The following LCN6 variants were observed in gnomAD, a reference collection of about 807,000 sequenced individuals.
The protein encoded by LCN6 is lipocalin 6.
In LCN6, 20 loss-of-function variants were observed where a neutral mutation model predicts 21.4. The ratio of observed to expected loss-of-function variants is 0.93; its 90% CI spans 0.66 to 1.36. The LOEUF (loss-of-function observed/expected upper bound fraction) is 1.36, where lower values mean the gene tolerates loss of function less well. Among genes scored for constraint, LCN6 ranks in the 40% most tolerant of loss-of-function variants. The pLI, the probability that LCN6 is intolerant of heterozygous loss-of-function variation, is 0.00. For missense variants in LCN6, 217 were observed against 206.6 expected, an observed-to-expected ratio of 1.05 and a Z score of -0.31; for synonymous variants, 96 against 89.0, an observed-to-expected ratio of 1.08 and a Z score of -0.44.
rs1464985821 is a variant in LCN6, at chr9:136,747,644, C to A, written c.91-81G>T. The A allele has an allele frequency of 1.8e-5, 19 of 1,059,630 alleles. No homozygotes were observed. The Admixed American group carries it at 4.5e-4, about 25-fold the overall frequency. 65.6% of individuals were successfully genotyped at this position (1,059,630 alleles called of 1,614,324 possible). On this transcript the variant is annotated intron_variant, in intron 1 of 6. Coordinates refer to ENST00000341206, the MANE Select transcript of LCN6 (RefSeq NM_198946.3). ...CCTCCAACCCTCCAGCCTCAGCCTC[C>A]AGCCTCCAAACCTCCAGCCTCAGCC...
chr9:136,748,250 TG>T, intron 1 of LCN6, 143 bp downstream of exon 1: 1 of 690,570 alleles, frequency 1.4e-6, no homozygotes, highest in Non-Finnish European at 2.5e-6. Context: ...CTCCTGCCTG[TG>T]GGACTCCCCA....
rs865935648 is a variant in LCN6, at chr9:136,744,467, C to A, written c.*23-103G>T. 14 of 525,238 alleles carry A rather than the reference C, an allele frequency of 2.7e-5. No homozygotes were observed. The South Asian group carries it at 3.7e-4, about 14-fold the overall frequency. 32.5% of individuals were successfully genotyped at this position (525,238 alleles called of 1,614,324 possible). A position where few individuals can be genotyped will look rare whatever the true frequency, so the allele number is the denominator to read the frequency against. On this transcript the variant is annotated intron_variant, in intron 5 of 6. Transcript: ENST00000341206. This position sits in a 1 kb window ranked among gnomAD's most constrained non-coding sequence, Gnocchi z 4.2. ...CTGCCGTGGGGACAAGACCCCCAGG[C>A]CTGACTTTGGGCAGGGGCAGGTGAA... is the stretch of plus-strand genomic sequence containing the variant.
chr9:136,747,026 A>T (rs1013420633), intron 2 of LCN6: 2 of 167,220 alleles, frequency 1.2e-5, no homozygotes, highest in African/African-American at 4.8e-5. Flanking sequence ...GATTTATGTT[A>T]TGAAAGAACC....
At position 136,744,261 on chromosome 9, in the gene LCN6, A is replaced by G. The variant is rs1847002069; in HGVS notation, c.*48+78T>C. The G allele has an allele frequency of 3.4e-5, 6 of 178,706 alleles. No individual in the cohort carries two copies. The highest frequency in any genetic ancestry group is 1.4e-4 in the African/African-American group (6 of 42,564). 11.1% of individuals were successfully genotyped at this position (178,706 alleles called of 1,614,324 possible). A position where few individuals can be genotyped will look rare whatever the true frequency, so the allele number is the denominator to read the frequency against. ...GTGGGCTTGGGCAGAGGGTCCTCCC[A>G]CCCACTGTGCGTAGGGTGGCCTCCC... On this transcript the variant is annotated intron_variant, in intron 6 of 6. Transcript: ENST00000341206. This position sits in a 1 kb window ranked among gnomAD's most constrained non-coding sequence, Gnocchi z 4.2.
Position 136,748,502 on chromosome 9 carries a change from C to A in LCN6, c.-19G>T, listed in dbSNP as rs768955370. On this transcript the variant is annotated 5_prime_UTR_variant, in exon 1 of 7. Transcript: ENST00000341206. ...CGCCCATCCTCCCAGGTCTACACTGCGCCGCAGGCCCAGGATGTGCAGTCC... is the reference window on the plus strand; with the variant it reads ...CGCCCATCCTCCCAGGTCTACACTGAGCCGCAGGCCCAGGATGTGCAGTCC... 2.5e-5 allele frequency: 40 copies of A among 1,609,544 alleles called. No individual in the cohort carries two copies. The highest frequency in any genetic ancestry group is 3.2e-5 in the Non-Finnish European group (38 of 1,178,098).
At chr9:136,747,614 T>C in intron 1 of LCN6, 51 bp from the exon 2 acceptor site, 1 of 1,551,418 alleles carries the variant, frequency 6.4e-7, no homozygotes, top group African/African-American at 1.6e-5. Context: ...GCCTCCAGCC[T>C]CCAGCCTCCA....
At chr9:136,747,953 A>AC (rs1847072032) in intron 1 of LCN6, among the ~76,000 whole-genome samples, 1 of 51,946 alleles carries the variant, frequency 1.9e-5, no homozygotes, top group Non-Finnish European at 3.5e-5. Context: ...CAGCCTTCCA[A>AC]CCTCCAGCCT....
chr9:136,747,910 T>TCCAGATC (rs2131079709), intron 1 of LCN6, among the ~76,000 whole-genome samples: 1 of 122,538 alleles, frequency 8.2e-6, no homozygotes, highest in African/African-American at 3.1e-5. Context: ...GCCTCCAGCC[T>TCCAGATC]TCCAGCCCTA....
Position 136,744,605 on chromosome 9 carries a change from A to C in LCN6, c.*22+35T>G. On this transcript the variant is annotated intron_variant, in intron 5 of 6. Transcript: ENST00000341206. The surrounding 1 kb of genome is among the most constrained non-coding windows in gnomAD (Gnocchi z 4.2). ...CCCTGTGGGCTCCAGAACTTGCCCC[A>C]AGCCTCCCCCGAGGCTGCTCCGGTG... 1 of 1,411,994 alleles carries C rather than the reference A, an allele frequency of 7.1e-7. No homozygotes were observed. The highest frequency in any genetic ancestry group is 9.9e-7 in the Non-Finnish European group (1 of 1,012,040). 87.5% of individuals were successfully genotyped at this position (1,411,994 alleles called of 1,614,324 possible).
chr9:136,748,313 G>T (rs1847077708), intron 1 of LCN6, 81 bp downstream of exon 1: 3 of 1,265,154 alleles, frequency 2.4e-6, no homozygotes, highest in South Asian at 1.3e-5. Context: ...GGCTAGCCCT[G>T]GGGGGCCCAG....
intron 2 of LCN6, chr9:136,746,137 G>C (rs1847033630): frequency 1.8e-6 from 1 of 543,792 alleles, no homozygotes. Flanking sequence ...GATCCTCAGT[G>C]CCAGATCTCC....
At position 136,748,260 on chromosome 9, in the gene LCN6, C is replaced by T. The variant is rs1007975849; in HGVS notation, c.90+134G>A. The T allele has an allele frequency of 5.2e-6, 4 of 763,634 alleles. No homozygotes were observed. The African/African-American group carries it at 5.3e-5, about 10-fold the overall frequency. 47.3% of individuals were successfully genotyped at this position (763,634 alleles called of 1,614,324 possible). On this transcript the variant is annotated intron_variant, in intron 1 of 6. Coordinates refer to ENST00000341206, the MANE Select transcript of LCN6 (RefSeq NM_198946.3). ...TGAGGCTCCTGCCTGTGGGACTCCC[C>T]AAGGGCTGGCCCAACTAATTCCCCA...
chr9:136,746,106 A>G (rs1018707939), intron 2 of LCN6, 192 bp from the exon 3 acceptor site: 4 of 594,490 alleles, frequency 6.7e-6, no homozygotes, highest in East Asian at 5.6e-5. Context: ...AGGGGCGGAC[A>G]CTCCCATTCA....
rs1847028520 is a variant in LCN6, at chr9:136,745,746, T to C, written c.301+98A>G. 5 of 1,048,132 alleles carry C rather than the reference T, an allele frequency of 4.8e-6. No individual in the cohort carries two copies. The African/African-American group carries it at 7.9e-5, about 16-fold the overall frequency. 64.9% of individuals were successfully genotyped at this position (1,048,132 alleles called of 1,614,324 possible). A position where few individuals can be genotyped will look rare whatever the true frequency, so the allele number is the denominator to read the frequency against. ...AGACCAGAACCTGTAGCCTCCTGGC[T>C]CTCGGGAGCGGAGTCAGCCCTCCGT... On this transcript the variant is annotated intron_variant, in intron 3 of 6. Transcript: ENST00000341206.
At position 136,745,835 on chromosome 9, in the gene LCN6, C is replaced by T; in HGVS notation, c.301+9G>A. ...ACGGCCTGGGTGAGGCCGTGGCCGT[C>T]AGACTCACAGGGATTCTCAAACACC... is the stretch of plus-strand genomic sequence containing the variant. On this transcript the variant is annotated intron_variant, in intron 3 of 6. Coordinates refer to ENST00000341206, the MANE Select transcript of LCN6 (RefSeq NM_198946.3). 6.2e-7 allele frequency: 1 copy of T among 1,612,952 alleles called. No homozygotes were observed. Among genetic ancestry groups the T allele is most frequent in the Non-Finnish European group, 8.5e-7 (1 of 1,179,222 alleles).
chr9:136,748,300 C>A lies in LCN6; in HGVS notation c.90+94G>T. On this transcript the variant is annotated intron_variant, in intron 1 of 6. Transcript: ENST00000341206. ...CTAATTCCCCACTGCTCATGCTGGT[C>A]TGGGCTAGCCCTGGGGGGCCCAGAA... 4 of 1,120,214 alleles carry A rather than the reference C, an allele frequency of 3.6e-6. No homozygotes were observed. In the Admixed American group the frequency reaches 9.2e-5, roughly 26 times the overall value. The allele number at this position is 1,120,214 out of a possible 1,614,324, so 69.4% of individuals were successfully genotyped here. A position where few individuals can be genotyped will look rare whatever the true frequency, so the allele number is the denominator to read the frequency against.
rs1257867970 is a variant in LCN6, at chr9:136,744,488, G to A, written c.*23-124C>T. 9.1e-6 allele frequency: 5 copies of A among 552,458 alleles called. No individual in the cohort carries two copies. The highest frequency in any genetic ancestry group is 8.7e-5 in the Admixed American group (3 of 34,586). The allele number at this position is 552,458 out of a possible 1,614,324, so 34.2% of individuals were successfully genotyped here. A position where few individuals can be genotyped will look rare whatever the true frequency, so the allele number is the denominator to read the frequency against. ...CAGGCCTGACTTTGGGCAGGGGCAG[G>A]TGAAGACCCCCTCAGCCTGCCTGAC... On this transcript the variant is annotated intron_variant, in intron 5 of 6. Transcript: ENST00000341206. This position sits in a 1 kb window ranked among gnomAD's most constrained non-coding sequence, Gnocchi z 4.2.
chr9:136,746,103 G>T, intron 2 of LCN6, 189 bp from the exon 3 acceptor site: 1 of 603,486 alleles, frequency 1.7e-6, no homozygotes, highest in South Asian at 1.9e-5. Flanking sequence ...GAGAGGGGCG[G>T]ACACTCCCAT....
intron 2 of LCN6, among the ~76,000 whole-genome samples, chr9:136,746,413 A>G (rs1219825411): frequency 7.2e-6 from 1 of 138,876 alleles, no homozygotes; most frequent in African/African-American, 2.7e-5. Flanking sequence ...TTTGCCTGCG[A>G]CTCGGGGGAA....
Sources: gnomAD v4.1 joint callset for allele counts (sites outside exome capture counted in the v4.1 genomes callset) on GRCh38, gnomAD v4.1.1 for gene constraint, Gnocchi (gnomAD v3.1) non-coding constraint, MANE v1.5 for transcripts, NCBI Gene and HGNC (gene_info 2026-07-23, HGNC 2026-07-21) for gene names.